The following PRKCH variants were observed in gnomAD, a reference collection of about 807,000 sequenced individuals.
The protein encoded by PRKCH is protein kinase C eta type.
PRKCH carries 28 observed loss-of-function variants against 82.5 expected under a neutral mutation model. That is an observed-to-expected ratio of 0.34 (90% CI 0.25 to 0.47). PRKCH has a LOEUF of 0.47. PRKCH is among the 20% of genes least tolerant of loss of function. The probability of loss-of-function intolerance (pLI) is 1.00; values close to 1 mark genes in which losing one functional copy is unlikely to be tolerated. For synonymous variants in PRKCH, 322 were observed against 327.4 expected (o/e 0.98, Z 0.18); for missense variants, 705 against 881.8 (o/e 0.80, Z 2.54).
At chr14:61,263,333 C>T (rs1347315712) in intron 1 of PRKCH, among the ~76,000 whole-genome samples, 1 of 152,150 alleles carries the variant, frequency 6.6e-6, no homozygotes, top group African/African-American at 2.4e-5. Flanking sequence ...ATGTGCTATA[C>T]ATAATCTTTG....
intron 1 of PRKCH, among the ~76,000 whole-genome samples, chr14:61,265,160 C>CA (rs1469549834): frequency 6.6e-6 from 1 of 152,182 alleles, no homozygotes; most frequent in East Asian, 1.9e-4. Flanking sequence ...TGAACCCTTG[C>CA]AATTTTGACA....
chr14:61,295,990 G>A (rs1292262727), intron 1 of PRKCH, among the ~76,000 whole-genome samples: 1 of 152,106 alleles, frequency 6.6e-6, no homozygotes, highest in East Asian at 1.9e-4. Flanking sequence ...GAAGCGGTCG[G>A]CTAGGGATTG....
intron 1 of PRKCH, among the ~76,000 whole-genome samples, chr14:61,337,200 G>A (rs187628732): frequency 8.4e-4 from 114 of 135,448 alleles, no homozygotes; most frequent in African/African-American, 3.2e-3. Context: ...CTGGAATGTA[G>A]TGGTGTGAAC....
At chr14:61,528,877 C>A in intron 10 of PRKCH, 198 bp from the exon 11 acceptor site, 1 of 444,620 alleles carries the variant, frequency 2.2e-6, no homozygotes, top group Non-Finnish European at 3.9e-6. Flanking sequence ...GAGGCAAGTT[C>A]TGAGACTTGA....
chr14:61,208,762 C>T (rs902716574), intron 1 of PRKCH, among the ~76,000 whole-genome samples: 1 of 152,122 alleles, frequency 6.6e-6, no homozygotes, highest in African/African-American at 2.4e-5. Context: ...TTATAGCAGC[C>T]TTTTGTTCAT....
Position 61,441,015 on chromosome 14 carries a change from T to C in PRKCH, c.428-2096T>C, listed in dbSNP as rs1266712019. 1.3e-5 allele frequency among the ~76,000 whole-genome samples: 2 copies of C among 151,374 alleles called. 1 individual carries two copies. Among genetic ancestry groups the C allele is most frequent in the Non-Finnish European group, 2.9e-5 (2 of 67,900 alleles). On this transcript the variant is annotated intron_variant, in intron 2 of 13. Coordinates refer to ENST00000332981, the MANE Select transcript of PRKCH (RefSeq NM_006255.5). Reference sequence around the variant, plus strand: ...TCATTATAGCCTCAACCTCCTGGGCTCAAGTGATCCTCCCTAGTAGCTGAG... The same window carrying C: ...TCATTATAGCCTCAACCTCCTGGGCCCAAGTGATCCTCCCTAGTAGCTGAG...
At chr14:61,513,119 A>T (rs1487240405) in intron 10 of PRKCH, among the ~76,000 whole-genome samples, 1 of 152,190 alleles carries the variant, frequency 6.6e-6, no homozygotes, top group African/African-American at 2.4e-5. Flanking sequence ...TTACCACCAG[A>T]TGCAGAAAGC....
intron 13 of PRKCH, 148 bp downstream of exon 13, chr14:61,548,034 A>T (rs947469660): frequency 8.8e-6 from 9 of 1,019,292 alleles, no homozygotes; most frequent in Admixed American, 2.5e-5. Context: ...CCTGGGGGGA[A>T]TCTGGGCTCC....
chr14:61,461,497 A>C (rs1885026500), intron 9 of PRKCH, among the ~76,000 whole-genome samples: 1 of 152,226 alleles, frequency 6.6e-6, no homozygotes, highest in African/African-American at 2.4e-5. Context: ...GCCTGAGCCA[A>C]ACATCACATG....
chr14:61,485,145 G>A (rs1241962730), intron 9 of PRKCH, among the ~76,000 whole-genome samples: 2 of 152,110 alleles, frequency 1.3e-5, no homozygotes, highest in Non-Finnish European at 2.9e-5. Flanking sequence ...AACCCCACAT[G>A]TTCCAGATTA....
intron 1 of PRKCH, among the ~76,000 whole-genome samples, chr14:61,292,771 C>CAAAAA: frequency 2.9e-5 from 2 of 69,564 alleles, no homozygotes; most frequent in Non-Finnish European, 2.4e-5. Flanking sequence ...ACTCCATCTC[C>CAAAAA]AAAAAAAAAA....
chr14:61,313,584 T>C (rs926323851), intron 1 of PRKCH, among the ~76,000 whole-genome samples: 2 of 152,158 alleles, frequency 1.3e-5, no homozygotes, highest in Non-Finnish European at 2.9e-5. Context: ...TCTGTTCTCA[T>C]GCTGTTGATA....
intron 1 of PRKCH, chr14:61,298,520 C>A (rs2045422840): frequency 6.6e-6 from 1 of 152,086 alleles, no homozygotes; most frequent in African/African-American, 2.4e-5. Context: ...CCCTAATCTA[C>A]AACATGATAG....
chr14:61,542,453 A>T (rs2043200659), intron 12 of PRKCH, among the ~76,000 whole-genome samples: 1 of 152,182 alleles, frequency 6.6e-6, no homozygotes, highest in Non-Finnish European at 1.5e-5. Flanking sequence ...AGGCAGGAGG[A>T]TCACTTGAGC....
intron 12 of PRKCH, among the ~76,000 whole-genome samples, chr14:61,544,936 C>A (rs1164269967): frequency 1.3e-5 from 2 of 152,224 alleles, no homozygotes; most frequent in African/African-American, 4.8e-5. Context: ...TTCCAATTAA[C>A]TAGAAACTCT....
intron 1 of PRKCH, among the ~76,000 whole-genome samples, chr14:61,211,165 G>A (rs1165124398): frequency 6.6e-6 from 1 of 152,214 alleles, no homozygotes; most frequent in Non-Finnish European, 1.5e-5. Context: ...TTGCCAGGGA[G>A]TGGCCATGAT....
chr14:61,438,862 A>G (rs1199390809), intron 2 of PRKCH, among the ~76,000 whole-genome samples: 1 of 152,234 alleles, frequency 6.6e-6, no homozygotes, highest in African/African-American at 2.4e-5. Flanking sequence ...ATTTTAGAAT[A>G]GTTAATCTTC....
intron 1 of PRKCH, among the ~76,000 whole-genome samples, chr14:61,256,918 A>G (rs926567360): frequency 2.6e-5 from 4 of 152,178 alleles, no homozygotes; most frequent in Admixed American, 6.5e-5. Flanking sequence ...ATGGTCTCCA[A>G]TCTCCAAAGT....
Position 61,321,821 on chromosome 14 carries a change from C to T in PRKCH, c.-281C>T. On this transcript the variant is annotated 5_prime_UTR_variant, in exon 1 of 14. Coordinates refer to ENST00000332981, the MANE Select transcript of PRKCH (RefSeq NM_006255.5). The surrounding 1 kb of genome is among the most constrained non-coding windows in gnomAD (Gnocchi z 4.1). ...AAGGGGCGAGTCCTGCGCGAGTCCC[C>T]GGGAGGCGCCGCGCGCTTGGAAGGG... 2 of 340,340 alleles carry T rather than the reference C, an allele frequency of 5.9e-6. No homozygotes were observed. The highest frequency in any genetic ancestry group is 5.5e-6 in the Non-Finnish European group (1 of 182,260). 21.1% of individuals were successfully genotyped at this position (340,340 alleles called of 1,614,324 possible). A position where few individuals can be genotyped will look rare whatever the true frequency, so the allele number is the denominator to read the frequency against.
Sources: gnomAD v4.1 joint callset for allele counts (sites outside exome capture counted in the v4.1 genomes callset) on GRCh38, gnomAD v4.1.1 for gene constraint, Gnocchi (gnomAD v3.1) non-coding constraint, MANE v1.5 for transcripts, NCBI Gene and HGNC (gene_info 2026-07-23, HGNC 2026-07-21) for gene names.